Variants in PPARGC1A observed in about 807,000 individuals in gnomAD.
PPARGC1A encodes the protein PPARG coactivator 1 alpha, also known as peroxisome proliferator-activated receptor gamma coactivator 1-alpha.
PPARGC1A carries 25 observed loss-of-function variants against 88.7 expected under a neutral mutation model. The observed-to-expected ratio is 0.28, with a 90% CI of 0.21 to 0.39. PPARGC1A has a LOEUF of 0.39. Ranked by LOEUF, PPARGC1A falls within the 10% of genes least tolerant of loss-of-function variation. The probability of loss-of-function intolerance (pLI) is 1.00; values close to 1 mark genes in which losing one functional copy is unlikely to be tolerated. For synonymous variants in PPARGC1A, 363 were observed against 355.6 expected (o/e 1.02, Z -0.24); for missense variants, 880 against 968.7 (o/e 0.91, Z 1.22).
chr4:24,164,588 T>A, the PPARGC1A span, among the ~76,000 whole-genome samples: 1 of 152,148 alleles, frequency 6.6e-6, no homozygotes, highest in Non-Finnish European at 1.5e-5. Flanking sequence ...ACATATGCCA[T>A]CTTGTTGGTT....
At chr4:24,340,017 G>A in the PPARGC1A span, among the ~76,000 whole-genome samples, 8 of 152,116 alleles carry the variant, frequency 5.3e-5, no homozygotes, top group African/African-American at 1.9e-4. Context: ...GATTACAGGC[G>A]TGAGCCACCG....
chr4:23,929,160 GAATA>G, the PPARGC1A span, among the ~76,000 whole-genome samples: 17 of 151,894 alleles, frequency 1.1e-4, no homozygotes, highest in African/African-American at 4.1e-4. Flanking sequence ...AAATAATAAT[GAATA>G]AATAAATAAA....
intron 1 of PPARGC1A, among the ~76,000 whole-genome samples, chr4:23,886,044 C>G (rs1337670710): frequency 1.3e-5 from 2 of 152,076 alleles, no homozygotes. Context: ...AATGTCAGTC[C>G]GCAGACAGTA....
chr4:24,421,600 C>T, the PPARGC1A span, among the ~76,000 whole-genome samples: 2 of 152,284 alleles, frequency 1.3e-5, no homozygotes, highest in Non-Finnish European at 2.9e-5. Context: ...CGTGAGCCAC[C>T]GCGCCGGGCC....
At chr4:23,964,498 A>G in the PPARGC1A span, among the ~76,000 whole-genome samples, 1 of 152,220 alleles carries the variant, frequency 6.6e-6, no homozygotes, top group Non-Finnish European at 1.5e-5. Flanking sequence ...GAATATAGAA[A>G]GAGAAGCATG....
At chr4:24,307,983 T>C in the PPARGC1A span, among the ~76,000 whole-genome samples, 6 of 152,016 alleles carry the variant, frequency 3.9e-5, no homozygotes, top group African/African-American at 1.5e-4. Context: ...CCTCAGGAAA[T>C]TTAAGTTTTA....
chr4:24,251,638 A>C, the PPARGC1A span, among the ~76,000 whole-genome samples: 1 of 152,240 alleles, frequency 6.6e-6, no homozygotes, highest in African/African-American at 2.4e-5. Context: ...CCCTGTGCTC[A>C]GTACTTTTCA....
chr4:23,827,857 G>A (rs530581126), intron 5 of PPARGC1A, among the ~76,000 whole-genome samples: 18 of 151,814 alleles, frequency 1.2e-4, no homozygotes, highest in Non-Finnish European at 2.4e-4. Flanking sequence ...AAGAGGAAGG[G>A]GAGAAAGCAG....
the PPARGC1A span, among the ~76,000 whole-genome samples, chr4:24,221,581 C>T: frequency 2.4e-4 from 36 of 152,216 alleles, no homozygotes; most frequent in East Asian, 4.4e-3. Flanking sequence ...GAAATATTTG[C>T]ATATGCATCA....
At chr4:23,844,300 A>G (rs994244728) in intron 2 of PPARGC1A, among the ~76,000 whole-genome samples, 6 of 53,996 alleles carry the variant, frequency 1.1e-4, no homozygotes, top group African/African-American at 5.2e-4. Flanking sequence ...CCATGTGTAC[A>G]TGACAACATA....
the PPARGC1A span, among the ~76,000 whole-genome samples, chr4:24,360,730 T>A: frequency 6.6e-6 from 1 of 152,200 alleles, no homozygotes; most frequent in African/African-American, 2.4e-5. Flanking sequence ...TATTGTCTTT[T>A]CATCTCTAAA....
chr4:24,149,362 A>AT, the PPARGC1A span, among the ~76,000 whole-genome samples: 1 of 152,172 alleles, frequency 6.6e-6, no homozygotes, highest in Non-Finnish European at 1.5e-5. Flanking sequence ...GGATTGGGAA[A>AT]TTTTAAAAAG....
chr4:24,305,133 G>GTATATATATATATATATA, the PPARGC1A span, among the ~76,000 whole-genome samples: 14 of 142,896 alleles, frequency 9.8e-5, no homozygotes, highest in South Asian at 2.2e-4. Context: ...ATATGTGTAT[G>GTATATATATATATATATA]TATATATATA....
chr4:24,419,579 T>C, the PPARGC1A span, among the ~76,000 whole-genome samples: 6 of 151,694 alleles, frequency 4.0e-5, no homozygotes, highest in South Asian at 6.3e-4. Flanking sequence ...CCGAACTATG[T>C]AATTGTGACC....
At chr4:24,061,364 A>T in the PPARGC1A span, among the ~76,000 whole-genome samples, 1 of 152,244 alleles carries the variant, frequency 6.6e-6, no homozygotes, top group Non-Finnish European at 1.5e-5. Context: ...ACCCTGAATG[A>T]GGCAAGTCTA....
At chr4:24,312,060 C>T in the PPARGC1A span, among the ~76,000 whole-genome samples, 5 of 152,172 alleles carry the variant, frequency 3.3e-5, no homozygotes, top group East Asian at 1.9e-4. Flanking sequence ...ACAGCTTGAA[C>T]GTTTTGCACC....
At chr4:24,387,813 A>G in the PPARGC1A span, among the ~76,000 whole-genome samples, 5 of 113,180 alleles carry the variant, frequency 4.4e-5, no homozygotes, top group African/African-American at 1.4e-4. Flanking sequence ...AGAAAGAAAG[A>G]AAGAAAGAAA....
At chr4:24,458,930 G>A in the PPARGC1A span, among the ~76,000 whole-genome samples, 26 of 151,992 alleles carry the variant, frequency 1.7e-4, no homozygotes, top group East Asian at 1.5e-3. Flanking sequence ...GAAAGAAGAC[G>A]GGAAATATAT....
At chr4:23,832,171 C>A (rs972186924) in intron 2 of PPARGC1A, among the ~76,000 whole-genome samples, 2 of 151,968 alleles carry the variant, frequency 1.3e-5, no homozygotes, top group African/African-American at 4.8e-5. Context: ...ATACAGCATA[C>A]CCCCCAAACT....
Sources: gnomAD v4.1 joint callset for allele counts (sites outside exome capture counted in the v4.1 genomes callset) on GRCh38, gnomAD v4.1.1 for gene constraint, MANE v1.5 for transcripts, NCBI Gene and HGNC (gene_info 2026-07-23, HGNC 2026-07-21) for gene names.